Variants in SMU1 observed in about 807,000 individuals in gnomAD.
SMU1 encodes the protein WD40 repeat-containing protein SMU1.
Under a neutral mutation model 62.0 loss-of-function variants are expected in SMU1, and 2 were observed. The ratio of observed to expected loss-of-function variants is 0.03; its 90% CI spans 0.01 to 0.10. The LOEUF is 0.10. SMU1 is among the 10% of genes least tolerant of loss of function. SMU1 has a pLI of 1.00. For synonymous variants in SMU1, 188 were observed against 212.4 expected, an observed-to-expected ratio of 0.89 and a Z score of 1.00; for missense variants, 227 against 622.1, an observed-to-expected ratio of 0.36 and a Z score of 6.76.
chr9:33,061,023 T>A (rs1839356031), intron 5 of SMU1, among the ~76,000 whole-genome samples: 1 of 152,234 alleles, frequency 6.6e-6, no homozygotes, highest in South Asian at 2.1e-4. Flanking sequence ...CCCTATATTA[T>A]TTTGTAAATA....
At position 33,046,251 on chromosome 9, in the gene SMU1, C is replaced by G. The variant is rs1488974442; in HGVS notation, c.*1042G>C. Reference sequence around the variant, plus strand: ...TCCTACAACATACAAAGGGGAGATGCCAAAACTCTGAATTCTTGTAACGGA... The same window carrying G: ...TCCTACAACATACAAAGGGGAGATGGCAAAACTCTGAATTCTTGTAACGGA... On this transcript the variant is annotated 3_prime_UTR_variant, in exon 12 of 12. Coordinates refer to ENST00000397149, the MANE Select transcript of SMU1 (RefSeq NM_018225.3). The G allele has an allele frequency of 6.6e-6, 1 of 152,168 alleles. No homozygotes were observed. Among genetic ancestry groups the G allele is most frequent in the Non-Finnish European group, 1.5e-5 (1 of 68,044 alleles). The allele number at this position is 152,168 out of a possible 1,614,324, so 9.4% of individuals were successfully genotyped here.
At chr9:33,072,293 T>C (rs527741852) in intron 2 of SMU1, among the ~76,000 whole-genome samples, 180 of 151,724 alleles carry the variant, frequency 1.2e-3, no homozygotes, top group Middle Eastern at 3.5e-3. Context: ...GCCAAGCTCA[T>C]GCTACTGTAC....
intron 5 of SMU1, among the ~76,000 whole-genome samples, chr9:33,061,070 A>C (rs2119436940): frequency 6.6e-6 from 1 of 152,370 alleles, no homozygotes; most frequent in Admixed American, 6.5e-5. Context: ...TCATTTAATG[A>C]AGTGATAATG....
chr9:33,064,149 A>G (rs573028856), intron 4 of SMU1, among the ~76,000 whole-genome samples: 1 of 152,164 alleles, frequency 6.6e-6, no homozygotes, highest in East Asian at 1.9e-4. Flanking sequence ...GTCAGGCTGG[A>G]AAAGTGGCAT....
At chr9:33,074,450 A>T (rs1369290517) in intron 1 of SMU1, among the ~76,000 whole-genome samples, 1 of 142,210 alleles carries the variant, frequency 7.0e-6, no homozygotes, top group Non-Finnish European at 1.5e-5. Flanking sequence ...ACACACACAC[A>T]AAAAAAAAAA....
rs749812694 is a variant in SMU1, at chr9:33,053,392, G to C, written c.1123-102C>G. On this transcript the variant is annotated intron_variant, in intron 9 of 11. Transcript: ENST00000397149. Reference sequence around the variant, plus strand: ...CAGTTTACTAAAAAAGAATAGAAATGATTCAGGGGAAAAAAGTTTCTTACT... The same window carrying C: ...CAGTTTACTAAAAAAGAATAGAAATCATTCAGGGGAAAAAAGTTTCTTACT... 12 of 1,197,216 alleles carry C rather than the reference G, an allele frequency of 1.0e-5. No homozygotes were observed. In the South Asian group the frequency reaches 1.0e-4, roughly 10 times the overall value. The allele number at this position is 1,197,216 out of a possible 1,614,324, so 74.2% of individuals were successfully genotyped here.
At chr9:33,075,917 T>G (rs1213039908) in intron 1 of SMU1, among the ~76,000 whole-genome samples, 1 of 152,204 alleles carries the variant, frequency 6.6e-6, no homozygotes, top group Non-Finnish European at 1.5e-5. Context: ...TTTTTCTTTC[T>G]AGCCCAGTCT....
intron 5 of SMU1, among the ~76,000 whole-genome samples, chr9:33,061,066 A>G (rs1384188404): frequency 6.6e-6 from 1 of 152,216 alleles, no homozygotes; most frequent in Non-Finnish European, 1.5e-5. Flanking sequence ...ACCTTCATTT[A>G]ATGAAGTGAT....
intron 4 of SMU1, among the ~76,000 whole-genome samples, chr9:33,066,505 T>TAAAAA (rs35501819): frequency 5.7e-4 from 57 of 100,092 alleles, no homozygotes; most frequent in East Asian, 1.2e-3. Flanking sequence ...TCCATTTAAT[T>TAAAAA]AAAAAAAAAA....
chr9:33,056,198 C>T lies in SMU1; in HGVS notation c.1037G>A (p.Arg346His), dbSNP rs769740534. 3 of 1,612,750 alleles carry T rather than the reference C, an allele frequency of 1.9e-6. No homozygotes were observed. The highest frequency in any genetic ancestry group is 1.7e-5 in the Admixed American group (1 of 59,972). The change falls in exon 9 of 12, where the codon CGT (arginine) becomes CAT (histidine). Residue 346 changes from arginine to histidine, a missense_variant. Physicochemically the swap from Arg to His is conservative, Grantham distance 29 (BLOSUM62 0). Transcript: ENST00000397149. ...LKSGKTLKEF[R>H]GHSSFVNEAT... ...TTCGTTAACAAAGGAGGAATGGCCA[C>T]GAAATTCCTTCAGGGTTTTCCCAGA...
intron 9 of SMU1, among the ~76,000 whole-genome samples, chr9:33,055,391 T>C (rs956404280): frequency 2.6e-5 from 4 of 152,182 alleles, no homozygotes; most frequent in African/African-American, 9.7e-5. Flanking sequence ...TAGATATTTG[T>C]ATTAAAATGT....
At chr9:33,053,765 C>T (rs1162318751) in intron 9 of SMU1, among the ~76,000 whole-genome samples, 3 of 152,110 alleles carry the variant, frequency 2.0e-5, no homozygotes, top group Admixed American at 6.6e-5. Flanking sequence ...AATCCATGTT[C>T]CGGATACAGA....
intron 10 of SMU1, among the ~76,000 whole-genome samples, chr9:33,051,950 G>T (rs527957241): frequency 2.7e-5 from 4 of 150,730 alleles, no homozygotes; most frequent in Non-Finnish European, 4.4e-5. Context: ...CCGGCAGGCG[G>T]AGGTTACAGT....
intron 11 of SMU1, 77 bp from the exon 12 acceptor site, chr9:33,047,468 G>A: frequency 1.6e-6 from 2 of 1,221,952 alleles, no homozygotes; most frequent in Non-Finnish European, 2.3e-6. Flanking sequence ...AGAGGTGGGT[G>A]GAAGGGAAAA....
intron 8 of SMU1, 65 bp downstream of exon 8, chr9:33,056,772 G>A (rs145041065): frequency 9.1e-6 from 14 of 1,535,442 alleles, no homozygotes; most frequent in Admixed American, 3.6e-5. Context: ...GGAATCACTA[G>A]TACCTCCCTC....
intron 4 of SMU1, among the ~76,000 whole-genome samples, chr9:33,067,932 TTATAA>T (rs1839441132): frequency 6.6e-6 from 1 of 152,202 alleles, no homozygotes; most frequent in Non-Finnish European, 1.5e-5. Flanking sequence ...CCTTTGTTAT[TTATAA>T]TATATCTATT....
chr9:33,050,195 C>T (rs1839227331), intron 10 of SMU1, among the ~76,000 whole-genome samples: 1 of 152,088 alleles, frequency 6.6e-6, no homozygotes, highest in African/African-American at 2.4e-5. Flanking sequence ...CCACTACACA[C>T]CTATTATTTG....
At chr9:33,058,773 A>G (rs1839330947) in intron 6 of SMU1, among the ~76,000 whole-genome samples, 1 of 152,220 alleles carries the variant, frequency 6.6e-6, no homozygotes. Context: ...AAGAAACTGT[A>G]GGAAAAAAGA....
chr9:33,055,309 TAGGAATAC>T (rs1347591246), intron 9 of SMU1, among the ~76,000 whole-genome samples: 2 of 152,152 alleles, frequency 1.3e-5, no homozygotes, highest in Non-Finnish European at 2.9e-5. Context: ...CCCAAGTAGC[TAGGAATAC>T]AGGTATACGC....
Sources: gnomAD v4.1 joint callset for allele counts (sites outside exome capture counted in the v4.1 genomes callset) on GRCh38, gnomAD v4.1.1 for gene constraint, MANE v1.5 for transcripts, NCBI Gene and HGNC (gene_info 2026-07-23, HGNC 2026-07-21) for gene names.